GPHN: variants seen among roughly 807,000 people sequenced by gnomAD.
GPHN encodes gephyrin.
In GPHN, 17 loss-of-function variants were observed where a neutral mutation model predicts 95.5. That is an observed-to-expected ratio of 0.18 (90% CI 0.12 to 0.27). The LOEUF is 0.27. Ranked by LOEUF, GPHN falls within the 10% of genes least tolerant of loss-of-function variation. The pLI is 1.00. For missense variants in GPHN, 660 were observed against 978.1 expected, an observed-to-expected ratio of 0.67 and a Z score of 4.34; for synonymous variants, 320 against 322.5, an observed-to-expected ratio of 0.99 and a Z score of 0.08.
At chr14:67,297,641 G>A in the GPHN span, among the ~76,000 whole-genome samples, 3 of 152,146 alleles carry the variant, frequency 2.0e-5, no homozygotes, top group Non-Finnish European at 2.9e-5. Context: ...TTGTCCAGAT[G>A]TAAGATTTTG....
At chr14:67,496,599 C>T in the GPHN span, among the ~76,000 whole-genome samples, 1 of 150,814 alleles carries the variant, frequency 6.6e-6, no homozygotes, top group Non-Finnish European at 1.5e-5. Flanking sequence ...GGTGTCCTCC[C>T]TCTCCCTCCC....
chr14:67,152,697 TG>T (rs2081351761), intron 18 of GPHN, among the ~76,000 whole-genome samples: 1 of 152,214 alleles, frequency 6.6e-6, no homozygotes, highest in African/African-American at 2.4e-5. Context: ...CGGGGCGCGG[TG>T]GCTCACACCT....
intron 10 of GPHN, among the ~76,000 whole-genome samples, chr14:67,030,822 ACT>A (rs1454415445): frequency 6.6e-6 from 1 of 152,054 alleles, no homozygotes; most frequent in East Asian, 1.9e-4. Context: ...TATCACCATG[ACT>A]CTCTCTCAAT....
the GPHN span, among the ~76,000 whole-genome samples, chr14:67,687,753 G>T: frequency 6.7e-6 from 1 of 149,808 alleles, no homozygotes; most frequent in Non-Finnish European, 1.5e-5. Context: ...TTACAAGCAT[G>T]AGCCACCACG....
chr14:67,592,289 AAT>A, the GPHN span: 6 of 413,406 alleles, frequency 1.5e-5, no homozygotes, highest in South Asian at 5.6e-5. Context: ...AAAAAAAAAA[AAT>A]TAGCCAGGCG....
chr14:66,747,058 C>G (rs1257950141), intron 2 of GPHN, among the ~76,000 whole-genome samples: 1 of 152,192 alleles, frequency 6.6e-6, no homozygotes. Context: ...CTCACTCACA[C>G]CACATAGTGC....
At chr14:67,326,221 ATTTTTTTTTTT>A in the GPHN span, among the ~76,000 whole-genome samples, 42 of 12,902 alleles carry the variant, frequency 3.3e-3, no homozygotes, top group East Asian at 6.3e-3. Context: ...TTTAGGTCTG[ATTTTTTTTTTT>A]TTTTTTTTTT....
chr14:67,392,961 A>G, the GPHN span: 2 of 950,044 alleles, frequency 2.1e-6, no homozygotes, highest in Non-Finnish European at 1.6e-6. Context: ...GGCTCTACGC[A>G]AGAGCAGACT....
intron 8 of GPHN, among the ~76,000 whole-genome samples, chr14:66,960,236 C>T (rs1024696442): frequency 1.3e-5 from 2 of 150,232 alleles, no homozygotes; most frequent in Non-Finnish European, 3.0e-5. Flanking sequence ...AGCTCAGTGT[C>T]TGAGCTTTCT....
chr14:66,693,687 A>G (rs1452395288), intron 2 of GPHN, among the ~76,000 whole-genome samples: 1 of 152,178 alleles, frequency 6.6e-6, no homozygotes, highest in African/African-American at 2.4e-5. Context: ...CTATGGACTC[A>G]CTTGTGAATC....
At chr14:66,519,855 T>TA (rs2058402084) in intron 1 of GPHN, among the ~76,000 whole-genome samples, 1 of 152,146 alleles carries the variant, frequency 6.6e-6, no homozygotes, top group South Asian at 2.1e-4. Context: ...CTCGTAATAA[T>TA]ATGTTAGTGT....
chr14:67,208,239 A>T, the GPHN span: 2 of 1,614,050 alleles, frequency 1.2e-6, no homozygotes, highest in East Asian at 4.5e-5. Flanking sequence ...GGGTGTTTAC[A>T]AGATACAAAA....
the GPHN span, among the ~76,000 whole-genome samples, chr14:67,233,111 T>TTTTTATTTTA: frequency 0.18 from 25,323 of 144,330 alleles, 3,244 homozygotes; most frequent in East Asian, 0.35. Flanking sequence ...CACCAACACA[T>TTTTTATTTTA]TTTTATTTTA....
At chr14:66,666,737 G>A (rs896399766) in intron 1 of GPHN, among the ~76,000 whole-genome samples, 13 of 152,150 alleles carry the variant, frequency 8.5e-5, no homozygotes, top group Admixed American at 7.9e-4. Flanking sequence ...AGACAAGGAC[G>A]CCCTCTCTCA....
At chr14:66,811,449 C>T (rs2060758194) in intron 3 of GPHN, among the ~76,000 whole-genome samples, 1 of 151,308 alleles carries the variant, frequency 6.6e-6, no homozygotes, top group Non-Finnish European at 1.5e-5. Flanking sequence ...TTTTAAATTT[C>T]CTTATACTTT....
At chr14:67,192,788 ATG>A in the GPHN span, among the ~76,000 whole-genome samples, 12 of 148,070 alleles carry the variant, frequency 8.1e-5, no homozygotes, top group Admixed American at 2.7e-4. Context: ...ATATATATGT[ATG>A]TGTGTGTATA....
At chr14:67,471,528 C>G in the GPHN span, 4 of 152,190 alleles carry the variant, frequency 2.6e-5, no homozygotes, top group African/African-American at 9.7e-5. Context: ...GCCTGATTCT[C>G]TGTAACCCCC....
At chr14:67,103,511 CTTTTTTTT>C in intron 13 of GPHN, among the ~76,000 whole-genome samples, 2 of 53,396 alleles carry the variant, frequency 3.7e-5, no homozygotes, top group South Asian at 7.3e-4. Flanking sequence ...GTTTCTTTCT[CTTTTTTTT>C]TTTTTTTTTT....
the GPHN span, among the ~76,000 whole-genome samples, chr14:67,207,871 G>T: frequency 6.6e-6 from 1 of 152,150 alleles, no homozygotes; most frequent in African/African-American, 2.4e-5. Flanking sequence ...GGGAATCAGT[G>T]GCATTTCTGG....
Sources: gnomAD v4.1 joint callset for allele counts (sites outside exome capture counted in the v4.1 genomes callset) on GRCh38, gnomAD v4.1.1 for gene constraint, MANE v1.5 for transcripts, NCBI Gene and HGNC (gene_info 2026-07-23, HGNC 2026-07-21) for gene names.